Variants in TRIO observed in about 807,000 individuals in gnomAD.
TRIO encodes the protein triple functional domain protein.
Under a neutral mutation model 351.9 loss-of-function variants are expected in TRIO, and 58 were observed. The observed-to-expected ratio is 0.16, with a 90% CI of 0.13 to 0.21. The LOEUF (loss-of-function observed/expected upper bound fraction) is 0.21. Ranked by LOEUF, TRIO falls within the 10% of genes least tolerant of loss-of-function variation. TRIO has a pLI of 1.00. For synonymous variants in TRIO, 1,758 were observed against 1,595.7 expected (o/e 1.10, Z -2.42); for missense variants, 3,201 against 4,027.8 (o/e 0.79, Z 5.56).
chr5:14,169,661 GTAA>G (rs1225906024), intron 1 of TRIO, among the ~76,000 whole-genome samples: 1 of 152,132 alleles, frequency 6.6e-6, no homozygotes, highest in Non-Finnish European at 1.5e-5. Flanking sequence ...TGCAGTGGTG[GTAA>G]TAAAATTGTT....
At chr5:14,277,159 C>T (rs1308125194) in intron 2 of TRIO, among the ~76,000 whole-genome samples, 1 of 152,088 alleles carries the variant, frequency 6.6e-6, no homozygotes, top group Non-Finnish European at 1.5e-5. Flanking sequence ...AAGATGTTTG[C>T]CCTCATGGAG....
chr5:14,185,371 G>A (rs940760109), intron 1 of TRIO, among the ~76,000 whole-genome samples: 7 of 152,204 alleles, frequency 4.6e-5, no homozygotes, highest in African/African-American at 1.7e-4. Context: ...TTCTTCCTGG[G>A]CCTAACTGGG....
chr5:14,220,016 G>T (rs1792496962), intron 1 of TRIO, among the ~76,000 whole-genome samples: 1 of 134,140 alleles, frequency 7.5e-6, no homozygotes, highest in East Asian at 2.1e-4. Context: ...TACAGATACT[G>T]CGGGGTTTTT....
At chr5:14,399,352 A>C (rs1320984455) in intron 30 of TRIO, 5 of 446,272 alleles carry the variant, frequency 1.1e-5, no homozygotes, top group Non-Finnish European at 1.6e-5. Flanking sequence ...GAAATCATTT[A>C]TCTCCGGTGT....
chr5:14,143,555 C>A lies in TRIO; in HGVS notation c.-171C>A. 2 of 154,102 alleles carry A rather than the reference C, an allele frequency of 1.3e-5. No individual in the cohort carries two copies. The highest frequency in any genetic ancestry group is 3.5e-4 in the South Asian group (2 of 5,666). 9.5% of individuals were successfully genotyped at this position (154,102 alleles called of 1,614,324 possible). On this transcript the variant is annotated 5_prime_UTR_variant, in exon 1 of 57. Transcript: ENST00000344204. ...GAGTCCTCGTCTATGTGGGCGCGCT[C>A]CTTGGGCCGAGCCGCCGCCGCCGCC...
intron 49 of TRIO, 81 bp downstream of exon 49, chr5:14,492,895 G>A (rs1204289407): frequency 5.1e-6 from 8 of 1,560,862 alleles, no homozygotes; most frequent in South Asian, 4.9e-5. Flanking sequence ...GACCTCAGAC[G>A]GGGTAAGCAT....
At chr5:14,409,592 A>T (rs187184) in intron 33 of TRIO, among the ~76,000 whole-genome samples, 21 of 151,818 alleles carry the variant, frequency 1.4e-4, no homozygotes, top group South Asian at 2.1e-4. Context: ...CCCAGCACTT[A>T]GGGAGGCCAA....
rs1416056998 is a variant in TRIO at position 14,316,966 on chromosome 5, C to T, written c.1731+223C>T. Among the ~76,000 whole-genome samples the T allele has an allele frequency of 2.6e-5, 4 of 152,092 alleles. No individual in the cohort carries two copies. The East Asian group carries it at 7.7e-4, about 29-fold the overall frequency. On this transcript the variant is annotated intron_variant, in intron 9 of 56. Transcript: ENST00000344204. ...ACAGAACCCAGGAGAGGATGTGGGG[C>T]CTACACTGGGAAGTTTTCTTCTAGA... is the stretch of plus-strand genomic sequence containing the variant.
At chr5:14,237,764 T>G (rs563590644) in intron 1 of TRIO, among the ~76,000 whole-genome samples, 31 of 152,316 alleles carry the variant, frequency 2.0e-4, no homozygotes, top group African/African-American at 7.2e-4. Flanking sequence ...GATTGATAGA[T>G]TCTTAGTTCG....
intron 34 of TRIO, among the ~76,000 whole-genome samples, chr5:14,451,555 A>G (rs986096964): frequency 2.0e-5 from 3 of 152,268 alleles, no homozygotes; most frequent in Non-Finnish European, 4.4e-5. Context: ...CTTCCTGAAT[A>G]AAAATGTGAT....
At chr5:14,328,366 C>A (rs183880464) in intron 9 of TRIO, among the ~76,000 whole-genome samples, 1 of 152,286 alleles carries the variant, frequency 6.6e-6, no homozygotes, top group Non-Finnish European at 1.5e-5. Flanking sequence ...ACAATGCACT[C>A]GTTAAAGTAA....
intron 2 of TRIO, among the ~76,000 whole-genome samples, chr5:14,277,671 T>C (rs1735658664): frequency 6.6e-6 from 1 of 152,218 alleles, no homozygotes; most frequent in Non-Finnish European, 1.5e-5. Flanking sequence ...TTTGTGACTT[T>C]TCTGCGTTAT....
At chr5:14,379,265 C>T (rs997392701) in intron 20 of TRIO, among the ~76,000 whole-genome samples, 1 of 152,216 alleles carries the variant, frequency 6.6e-6, no homozygotes, top group Non-Finnish European at 1.5e-5. Context: ...AGCTTGCAAC[C>T]TCATATGCAG....
chr5:14,471,979 C>T (rs2126555063), intron 38 of TRIO, among the ~76,000 whole-genome samples: 2 of 151,742 alleles, frequency 1.3e-5, no homozygotes, highest in South Asian at 4.2e-4. Flanking sequence ...AGCACTGTAT[C>T]CCAGCACCTC....
At chr5:14,479,468 T>TG in intron 42 of TRIO, 118 bp downstream of exon 42, 1 of 810,386 alleles carries the variant, frequency 1.2e-6, no homozygotes, top group Non-Finnish European at 1.9e-6. Context: ...TTAGCCTGAG[T>TG]GATAAGACTT....
intron 27 of TRIO, among the ~76,000 whole-genome samples, chr5:14,391,651 C>T (rs559007649): frequency 1.3e-5 from 2 of 152,172 alleles, no homozygotes; most frequent in Non-Finnish European, 2.9e-5. Flanking sequence ...CAAATATGTG[C>T]CAATACATTT....
rs541838795 is a variant in TRIO, at chr5:14,219,884, A to G, written c.158-50941A>G. 1.1e-4 allele frequency among the ~76,000 whole-genome samples: 16 copies of G among 152,108 alleles called. No homozygotes were observed. In the East Asian group the frequency reaches 2.9e-3, roughly 28 times the overall value. The stretch of plus-strand genomic sequence containing the variant: ...AAACTAAAAGATGCCCTAAAATAGT[A>G]CAGAAATATCAGAGTTCATTGCACA... On this transcript the variant is annotated intron_variant, in intron 1 of 56. Coordinates refer to ENST00000344204, the MANE Select transcript of TRIO (RefSeq NM_007118.4).
intron 1 of TRIO, among the ~76,000 whole-genome samples, chr5:14,270,599 T>C (rs1442012081): frequency 6.6e-6 from 1 of 152,214 alleles, no homozygotes; most frequent in Non-Finnish European, 1.5e-5. Context: ...AGCGAGCCTT[T>C]TGGGGACATG....
In TRIO at chr5:14,143,690, C is replaced by T; in HGVS notation, c.-36C>T. 1.0e-6 allele frequency: 1 copy of T among 967,426 alleles called. No homozygotes were observed. The highest frequency in any genetic ancestry group is 1.8e-5 in the African/African-American group (1 of 56,222). 59.9% of individuals were successfully genotyped at this position (967,426 alleles called of 1,614,324 possible). On this transcript the variant is annotated 5_prime_UTR_variant, in exon 1 of 57. Transcript: ENST00000344204. ...GGCACGCGGCGCTAGGGGCGCGGGG[C>T]CCGAGGCGGGCGCGGCCGCGGGCGC... is the stretch of plus-strand genomic sequence containing the variant.
Sources: gnomAD v4.1 joint callset for allele counts (sites outside exome capture counted in the v4.1 genomes callset) on GRCh38, gnomAD v4.1.1 for gene constraint, MANE v1.5 for transcripts, NCBI Gene and HGNC (gene_info 2026-07-23, HGNC 2026-07-21) for gene names.